Variants in MSL2 observed in about 807,000 individuals in gnomAD.
MSL2 encodes the protein MSL complex subunit 2.
In MSL2, 2 loss-of-function variants were observed where a neutral mutation model predicts 35.8. That is an observed-to-expected ratio of 0.06 (90% CI 0.02 to 0.18). The LOEUF is 0.18. Among genes scored for constraint, MSL2 ranks in the 10% least tolerant of loss-of-function variants. The probability of loss-of-function intolerance (pLI) is 1.00; values close to 1 mark genes in which losing one functional copy is unlikely to be tolerated. For missense variants in MSL2, 523 were observed against 706.7 expected, an observed-to-expected ratio of 0.74 and a Z score of 2.95; for synonymous variants, 296 against 255.7, an observed-to-expected ratio of 1.16 and a Z score of -1.50.
At position 136,150,431 on chromosome 3, in the gene MSL2, T is replaced by G. The variant is rs1044415617; in HGVS notation, c.*716A>C. The G allele has an allele frequency of 3.3e-5, 5 of 152,658 alleles. No individual in the cohort carries two copies. Among genetic ancestry groups the G allele is most frequent in the Admixed American group, 6.5e-5 (1 of 15,272 alleles). 9.5% of individuals were successfully genotyped at this position (152,658 alleles called of 1,614,324 possible). A position where few individuals can be genotyped will look rare whatever the true frequency, so the allele number is the denominator to read the frequency against. ...AATTACCTTCAGAATAAAACTACTC[T>G]CCTTCATTTATCCAATTAGAACACT... On this transcript the variant is annotated 3_prime_UTR_variant, in exon 2 of 2. Coordinates refer to ENST00000309993, the MANE Select transcript of MSL2 (RefSeq NM_018133.4).
At chr3:136,187,078 A>C (rs1940546121) in intron 1 of MSL2, among the ~76,000 whole-genome samples, 1 of 152,196 alleles carries the variant, frequency 6.6e-6, no homozygotes, top group South Asian at 2.1e-4. Context: ...ACAAATGCAG[A>C]ACCCACAGAT....
At chr3:136,188,151 T>C (rs186956935) in intron 1 of MSL2, among the ~76,000 whole-genome samples, 68 of 152,232 alleles carry the variant, frequency 4.5e-4, no homozygotes, top group Admixed American at 4.1e-3. Flanking sequence ...AAATGTCCAC[T>C]AGGCCAGGCG....
At position 136,151,902 on chromosome 3, in the gene MSL2, A is replaced by G; in HGVS notation, c.979T>C (p.Ser327Pro). ...MSTSPALHGLSCTAATPKIAK... is the reference protein window; with the variant it reads ...MSTSPALHGLPCTAATPKIAK... ...ATCTTCGGAGTTGCTGCTGTACATG[A>G]TAACCCATGAAGTGCAGGACTGGTG... Residue 327 changes from serine (S) to proline (P), a missense_variant, in exon 2 of 2, where the codon TCA becomes CCA. Physicochemically the swap from Ser to Pro is moderately conservative, Grantham distance 74. Coordinates refer to ENST00000309993, the MANE Select transcript of MSL2 (RefSeq NM_018133.4). The surrounding 1 kb of genome is among the most constrained non-coding windows in gnomAD (Gnocchi z 5.2). 6.2e-7 allele frequency: 1 copy of G among 1,614,198 alleles called. No individual in the cohort carries two copies.
intron 1 of MSL2, among the ~76,000 whole-genome samples, chr3:136,173,638 G>A (rs538323241): frequency 7.9e-5 from 12 of 152,154 alleles, no homozygotes; most frequent in Middle Eastern, 3.4e-3. Context: ...TGTTCACCCC[G>A]AATTTCGAGT....
intron 1 of MSL2, among the ~76,000 whole-genome samples, chr3:136,173,868 A>G (rs1261739238): frequency 2.6e-5 from 4 of 152,164 alleles, no homozygotes; most frequent in Admixed American, 6.5e-5. Context: ...AGCTTTCTCC[A>G]AGAACTCCAT....
At chr3:136,184,749 AAGGGG>A (rs1940465984) in intron 1 of MSL2, among the ~76,000 whole-genome samples, 1 of 75,258 alleles carries the variant, frequency 1.3e-5, no homozygotes, top group African/African-American at 6.1e-5. Context: ...AAAAAAAAAA[AAGGGG>A]GGGGGGGGGA....
At chr3:136,162,536 C>G (rs771829359) in intron 1 of MSL2, among the ~76,000 whole-genome samples, 3 of 151,996 alleles carry the variant, frequency 2.0e-5, no homozygotes, top group African/African-American at 7.3e-5. Flanking sequence ...GCCGAGATTG[C>G]GCCACTGCGG....
Position 136,149,755 on chromosome 3 carries a change from T to C in MSL2, c.*1392A>G, listed in dbSNP as rs1029884253. ...TCTTGTACTAGGCGAGTAACCATCA[T>C]TGAACATGCTGTGTGCCAAATCAAA... On this transcript the variant is annotated 3_prime_UTR_variant, in exon 2 of 2. Coordinates refer to ENST00000309993, the MANE Select transcript of MSL2 (RefSeq NM_018133.4). The C allele has an allele frequency of 4.6e-5, 7 of 152,210 alleles. No individual in the cohort carries two copies. The highest frequency in any genetic ancestry group is 1.9e-4 in the East Asian group (1 of 5,206). The allele number at this position is 152,210 out of a possible 1,614,324, so 9.4% of individuals were successfully genotyped here. A position where few individuals can be genotyped will look rare whatever the true frequency, so the allele number is the denominator to read the frequency against.
Position 136,159,560 on chromosome 3 carries a change from C to G in MSL2, c.143-6822G>C, listed in dbSNP as rs189448565. Among the ~76,000 whole-genome samples the G allele has an allele frequency of 3.4e-3, 501 of 148,492 alleles. 2 individuals carry two copies. Among genetic ancestry groups the G allele is most frequent in the Non-Finnish European group, 4.6e-3 (310 of 67,444 alleles). On this transcript the variant is annotated intron_variant, in intron 1 of 1. Transcript: ENST00000309993. ...TTTTTTTTTGCATTTTTAGTAGAGA[C>G]GAGGTTTCACCGTGTTAGCCAGGAT...
rs752983342 is a variant in MSL2, at chr3:136,151,943, T to C, written c.938A>G (p.His313Arg). 25 of 1,614,236 alleles carry C rather than the reference T, an allele frequency of 1.5e-5. No individual in the cohort carries two copies. The highest frequency in any genetic ancestry group is 2.1e-5 in the Non-Finnish European group (25 of 1,180,036). ...FLQLSSQSLS[H>R]NVFMSTSPAL... ...AGGACTGGTGGACATAAAAACATTA[T>C]GGCTAAGAGACTGGGAAGAAAGCTG... Residue 313 changes from histidine (H) to arginine (R), a missense_variant, in exon 2 of 2, where the codon CAT becomes CGT. Physicochemically the swap from His to Arg is conservative, Grantham distance 29. Around this residue, in one of 5 missense-constraint regions of MSL2, gnomAD observed 361 missense variants for 414.6 expected, o/e 0.87. Transcript: ENST00000309993. This position sits in a 1 kb window ranked among gnomAD's most constrained non-coding sequence, Gnocchi z 5.2.
intron 1 of MSL2, among the ~76,000 whole-genome samples, chr3:136,176,515 CAAAAAAAA>C (rs771021498): frequency 5.5e-5 from 3 of 54,154 alleles, no homozygotes; most frequent in Admixed American, 2.1e-4. Flanking sequence ...GACCCTCTCT[CAAAAAAAA>C]AAAAAAAAAA....
intron 1 of MSL2, among the ~76,000 whole-genome samples, chr3:136,155,003 A>C (rs1288863210): frequency 6.6e-6 from 1 of 152,100 alleles, no homozygotes; most frequent in Non-Finnish European, 1.5e-5. Context: ...AGGTCAAGAG[A>C]CTGAGACCAT....
At chr3:136,171,750 T>C (rs529771544) in intron 1 of MSL2, among the ~76,000 whole-genome samples, 138 of 152,290 alleles carry the variant, frequency 9.1e-4, no homozygotes, top group Non-Finnish European at 1.6e-3. Context: ...GCTGTAAAAT[T>C]TGATGATTCC....
intron 1 of MSL2, chr3:136,155,714 C>A: frequency 2.0e-6 from 1 of 501,052 alleles, no homozygotes; most frequent in South Asian, 1.6e-5. Context: ...ATGCTGGGGT[C>A]CTTTTGTGCC....
intron 1 of MSL2, among the ~76,000 whole-genome samples, chr3:136,160,455 T>C (rs1576358934): frequency 7.0e-6 from 1 of 143,466 alleles, no homozygotes; most frequent in Non-Finnish European, 1.5e-5. Context: ...AAGCCAGGCG[T>C]GGGGGCTCAC....
chr3:136,189,905 T>C (rs1340453352), intron 1 of MSL2, among the ~76,000 whole-genome samples: 1 of 151,976 alleles, frequency 6.6e-6, no homozygotes, highest in East Asian at 1.9e-4. Flanking sequence ...ATGTACAAAA[T>C]GTTAATTGGT....
intron 1 of MSL2, among the ~76,000 whole-genome samples, chr3:136,191,003 G>T (rs754511543): frequency 6.6e-6 from 1 of 152,250 alleles, no homozygotes; most frequent in Middle Eastern, 3.4e-3. Flanking sequence ...TCAAAGAACA[G>T]TAATAACAAA....
chr3:136,175,092 T>C (rs549962798), intron 1 of MSL2, among the ~76,000 whole-genome samples: 28 of 152,178 alleles, frequency 1.8e-4, no homozygotes, highest in Admixed American at 6.5e-4. Context: ...ACGCCTATAA[T>C]CCCAGCACTT....
intron 1 of MSL2, chr3:136,155,838 G>A (rs2108061870): frequency 1.7e-6 from 1 of 578,156 alleles, no homozygotes; most frequent in East Asian, 4.5e-5. Flanking sequence ...ATGTGTAAAT[G>A]CTGGCATGGC....
Sources: gnomAD v4.1 joint callset for allele counts (sites outside exome capture counted in the v4.1 genomes callset) on GRCh38, gnomAD v4.1.1 for gene constraint, gnomAD v4.1.1 regional missense constraint, Gnocchi (gnomAD v3.1) non-coding constraint, MANE v1.5 for transcripts, NCBI Gene and HGNC (gene_info 2026-07-23, HGNC 2026-07-21) for gene names.